The following NRXN1 variants were observed in gnomAD, a reference collection of about 807,000 sequenced individuals.
The protein encoded by NRXN1 is neurexin-1.
Under a neutral mutation model 150.9 loss-of-function variants are expected in NRXN1, and 39 were observed. The ratio of observed to expected loss-of-function variants is 0.26; its 90% confidence interval spans 0.20 to 0.34. NRXN1 has a LOEUF of 0.34. Among genes scored for constraint, NRXN1 ranks in the 10% least tolerant of loss-of-function variants. The probability of loss-of-function intolerance (pLI) is 1.00; values close to 1 mark genes in which losing one functional copy is unlikely to be tolerated. For missense variants in NRXN1, 1,815 were observed against 1,949.9 expected, an observed-to-expected ratio of 0.93 and a Z score of 1.30; for synonymous variants, 924 against 757.0, an observed-to-expected ratio of 1.22 and a Z score of -3.62.
chr2:50,839,314 G>T (rs2105921593), intron 5 of NRXN1, among the ~76,000 whole-genome samples: 1 of 152,194 alleles, frequency 6.6e-6, no homozygotes, highest in South Asian at 2.1e-4. Context: ...GCAAGAGGAT[G>T]TGAAATTTAA....
At chr2:50,561,085 G>C (rs1003626529) in intron 8 of NRXN1, among the ~76,000 whole-genome samples, 3 of 152,120 alleles carry the variant, frequency 2.0e-5, no homozygotes, top group Admixed American at 1.3e-4. Context: ...CATTAATCAG[G>C]GGAAGAAAAA....
chr2:50,273,092 C>T (rs2069922433), intron 17 of NRXN1, among the ~76,000 whole-genome samples: 1 of 152,006 alleles, frequency 6.6e-6, no homozygotes, highest in South Asian at 2.1e-4. Flanking sequence ...AAAGAAAGAT[C>T]AATGAAAACG....
intron 17 of NRXN1, among the ~76,000 whole-genome samples, chr2:50,453,482 C>T (rs528441483): frequency 6.6e-5 from 10 of 152,258 alleles, no homozygotes; most frequent in African/African-American, 2.2e-4. Flanking sequence ...CTCAACTCCT[C>T]CAACAACCAA....
intron 19 of NRXN1, among the ~76,000 whole-genome samples, chr2:50,075,505 G>C (rs1316978911): frequency 2.0e-5 from 3 of 152,152 alleles, no homozygotes; most frequent in Non-Finnish European, 4.4e-5. Flanking sequence ...ACTGAGTCTA[G>C]TTTCTCCAGG....
intron 5 of NRXN1, among the ~76,000 whole-genome samples, chr2:50,671,148 T>G (rs548003597): frequency 6.6e-6 from 1 of 151,862 alleles, no homozygotes; most frequent in Non-Finnish European, 1.5e-5. Context: ...ACAAAGCTTG[T>G]ATCTATTTAT....
intron 17 of NRXN1, among the ~76,000 whole-genome samples, chr2:50,303,538 A>G (rs1575005498): frequency 6.6e-6 from 1 of 152,106 alleles, no homozygotes; most frequent in African/African-American, 2.4e-5. Flanking sequence ...ATACTTCCAC[A>G]CTTGGTTATC....
At position 50,497,349 on chromosome 2, in the gene NRXN1, C is replaced by A; in HGVS notation, c.2863G>T (p.Val955Phe). 1 of 1,535,118 alleles carries A rather than the reference C, an allele frequency of 6.5e-7. No individual in the cohort carries two copies. Among genetic ancestry groups the A allele is most frequent in the Non-Finnish European group, 8.8e-7 (1 of 1,142,066 alleles). The change falls in exon 14 of 23, where the codon GTT becomes TTT. Residue 955 changes from valine to phenylalanine, a missense_variant. This residue lies in a region of NRXN1 where 339 missense variants were observed against 440.3 expected (regional missense o/e 0.77). Transcript: ENST00000401669. ...NSGDGNDFIV[V>F]ELVKGYLHYV... ...TGTACTCACCCTTTAACTAATTCAA[C>A]CACAATAAAGTCATTTCCATCCCCA...
intron 21 of NRXN1, among the ~76,000 whole-genome samples, chr2:50,000,864 C>T (rs988310331): frequency 5.3e-5 from 8 of 152,060 alleles, no homozygotes; most frequent in Admixed American, 1.3e-4. Context: ...GGCTGAGATG[C>T]GGTGCAGACA....
intron 18 of NRXN1, among the ~76,000 whole-genome samples, chr2:50,093,123 A>C (rs1164121982): frequency 6.6e-6 from 1 of 152,186 alleles, no homozygotes; most frequent in Non-Finnish European, 1.5e-5. Context: ...GCTAAAAAAA[A>C]ATCTTTAAAA....
intron 18 of NRXN1, among the ~76,000 whole-genome samples, chr2:50,182,219 A>T (rs2152812217): frequency 6.6e-6 from 1 of 151,412 alleles, no homozygotes; most frequent in East Asian, 2.0e-4. Flanking sequence ...AATATGGTAG[A>T]CTCTCAATAA....
At chr2:50,335,552 T>G (rs2077127119) in intron 17 of NRXN1, among the ~76,000 whole-genome samples, 1 of 152,182 alleles carries the variant, frequency 6.6e-6, no homozygotes, top group African/African-American at 2.4e-5. Flanking sequence ...TTCAAAAGGC[T>G]TAATCTAAAT....
chr2:50,238,507 T>A (rs1715969), intron 17 of NRXN1, among the ~76,000 whole-genome samples: 87,041 of 151,826 alleles, frequency 0.57, 25,511 homozygotes, highest in African/African-American at 0.68. Context: ...GCCACAAAAC[T>A]TCTTGTATTT....
intron 18 of NRXN1, among the ~76,000 whole-genome samples, chr2:50,139,950 GT>G (rs922206216): frequency 6.6e-5 from 10 of 151,618 alleles, no homozygotes; most frequent in East Asian, 3.9e-4. Context: ...GCAAAAATTA[GT>G]TTTTTTTAAA....
intron 8 of NRXN1, among the ~76,000 whole-genome samples, chr2:50,584,254 C>T (rs561636542): frequency 9.9e-5 from 15 of 152,164 alleles, no homozygotes; most frequent in Non-Finnish European, 1.6e-4. Flanking sequence ...TGAGGCAAGC[C>T]GAAAACTATC....
intron 8 of NRXN1, among the ~76,000 whole-genome samples, chr2:50,573,116 T>C (rs1276338443): frequency 2.0e-5 from 3 of 152,168 alleles, no homozygotes. Context: ...ATACCTGTAA[T>C]CCTAGTACTT....
chr2:50,215,219 CCTGT>C (rs1343275999), intron 18 of NRXN1, among the ~76,000 whole-genome samples: 1 of 151,996 alleles, frequency 6.6e-6, no homozygotes, highest in Non-Finnish European at 1.5e-5. Context: ...TTAATGTGCT[CCTGT>C]CTTTCTTGTA....
intron 2 of NRXN1, among the ~76,000 whole-genome samples, chr2:50,993,631 TA>T (rs1177593886): frequency 1.3e-5 from 2 of 152,006 alleles, no homozygotes; most frequent in Non-Finnish European, 2.9e-5. Flanking sequence ...CAGCTCATGC[TA>T]AAATATTTTT....
intron 21 of NRXN1, chr2:49,966,758 T>A (rs764857968): frequency 6.6e-6 from 1 of 152,120 alleles, no homozygotes; most frequent in Non-Finnish European, 1.5e-5. Flanking sequence ...ATGTTGAATT[T>A]GAGGTGAACT....
At chr2:50,915,072 G>A (rs1002378591) in intron 5 of NRXN1, among the ~76,000 whole-genome samples, 19 of 151,528 alleles carry the variant, frequency 1.3e-4, no homozygotes, top group East Asian at 1.9e-4. Flanking sequence ...TTCAGGAGAC[G>A]GCCAAATTGC....
Sources: allele counts gnomAD v4.1 joint callset (sites outside exome capture counted in the v4.1 genomes callset), GRCh38; gene constraint gnomAD v4.1.1; regional missense constraint gnomAD v4.1.1; transcripts MANE v1.5; gene names NCBI Gene and HGNC (gene_info 2026-07-23, HGNC 2026-07-21).